The following DDX10 variants were observed in gnomAD, a reference collection of about 807,000 sequenced individuals.
DDX10 encodes the protein DEAD-box helicase 10.
A neutral mutation model predicts 104.3 loss-of-function variants in DDX10; 74 were observed. The ratio of observed to expected loss-of-function variants is 0.71; its 90% CI spans 0.59 to 0.86. The LOEUF (loss-of-function observed/expected upper bound fraction) is 0.86, where lower values mean the gene tolerates loss of function less well. Ranked by LOEUF, DDX10 falls within the 40% of genes least tolerant of loss-of-function variation. DDX10 has a pLI of 0.00. For synonymous variants in DDX10, 351 were observed against 353.4 expected (o/e 0.99, Z 0.08); for missense variants, 952 against 1,040.0 (o/e 0.92, Z 1.16).
chr11:108,854,345 C>T (rs1447704957), intron 16 of DDX10, among the ~76,000 whole-genome samples: 1 of 152,216 alleles, frequency 6.6e-6, no homozygotes, highest in African/African-American at 2.4e-5. Context: ...TCTCTCAGTG[C>T]ATGTGCTTTA....
At chr11:108,912,398 G>A (rs80288155) in intron 16 of DDX10, among the ~76,000 whole-genome samples, 18,834 of 151,778 alleles carry the variant, frequency 0.12, 1,383 homozygotes, top group East Asian at 0.24. Context: ...TTCTCATACC[G>A]ATCCTCCACC....
At chr11:108,938,002 G>T (rs539888423) in intron 17 of DDX10, among the ~76,000 whole-genome samples, 1 of 152,252 alleles carries the variant, frequency 6.6e-6, no homozygotes, top group South Asian at 2.1e-4. Context: ...GCTTGGACTC[G>T]CCCCAATTTT....
intron 13 of DDX10, among the ~76,000 whole-genome samples, chr11:108,745,200 T>C: frequency 1.5e-5 from 2 of 132,920 alleles, no homozygotes; most frequent in Admixed American, 7.5e-5. Flanking sequence ...TTCCTTCCCT[T>C]TCGTTTCCTT....
In DDX10 at chr11:108,746,158, G is replaced by A. The variant is rs535571328; in HGVS notation, c.1965+22696G>A. ...TTCTAGACGTAAGTAAATAATGAGG[G>A]CTAATGAAACAAGTGAAGGAAATTC... On this transcript the variant is annotated intron_variant, in intron 13 of 17. Coordinates refer to ENST00000322536, the MANE Select transcript of DDX10 (RefSeq NM_004398.4). Among the ~76,000 whole-genome samples the A allele has an allele frequency of 1.3e-4, 20 of 152,100 alleles. No individual in the cohort carries two copies. In the South Asian group the frequency reaches 2.3e-3, roughly 17 times the overall value.
intron 17 of DDX10, among the ~76,000 whole-genome samples, chr11:108,934,113 G>A (rs1864007888): frequency 1.3e-5 from 2 of 152,206 alleles, no homozygotes; most frequent in Non-Finnish European, 2.9e-5. Flanking sequence ...TCAGATGAGG[G>A]TGGGTCAGGG....
chr11:108,822,465 C>T (rs750561885), intron 13 of DDX10: 3 of 333,808 alleles, frequency 9.0e-6, no homozygotes, highest in African/African-American at 6.5e-5. Context: ...TCAGTGTATC[C>T]TTTCCCCAGG....
intron 13 of DDX10, among the ~76,000 whole-genome samples, chr11:108,757,373 C>A (rs2094345732): frequency 6.6e-6 from 1 of 151,988 alleles, no homozygotes; most frequent in South Asian, 2.1e-4. Context: ...AAAATATTTA[C>A]TGTTAACCAT....
chr11:108,914,939 G>A lies in DDX10; in HGVS notation c.2305-2934G>A, dbSNP rs563622940. Among the ~76,000 whole-genome samples the A allele has an allele frequency of 7.3e-5, 11 of 150,872 alleles. No individual in the cohort carries two copies. In the East Asian group the frequency reaches 1.9e-3, roughly 27 times the overall value. On this transcript the variant is annotated intron_variant, in intron 16 of 17. Coordinates refer to ENST00000322536, the MANE Select transcript of DDX10 (RefSeq NM_004398.4). Reference sequence around the variant, plus strand: ...AGCAGTTTGGCATTGTCAGAAGAAAGGAACAGCAAACCTGAACACCCAGTA... The same window carrying A: ...AGCAGTTTGGCATTGTCAGAAGAAAAGAACAGCAAACCTGAACACCCAGTA...
At chr11:108,677,447 C>T (rs772824742) in intron 4 of DDX10, among the ~76,000 whole-genome samples, 5 of 151,414 alleles carry the variant, frequency 3.3e-5, no homozygotes, top group South Asian at 2.1e-4. Flanking sequence ...TTTTTTTTGT[C>T]GGGGAATCTG....
Position 108,719,903 on chromosome 11 carries a change from A to T in DDX10, c.1499+18A>T. The T allele has an allele frequency of 7.6e-7, 1 of 1,321,978 alleles. No homozygotes were observed. Among genetic ancestry groups the T allele is most frequent in the Non-Finnish European group, 1.1e-6 (1 of 915,130 alleles). The allele number at this position is 1,321,978 out of a possible 1,614,324, so 81.9% of individuals were successfully genotyped here. ...TATGCCCTGTAAGTATTCATAATATAGTTGTAATAGTGAATCCTCAAGGTT... is the reference window on the plus strand; with the variant it reads ...TATGCCCTGTAAGTATTCATAATATTGTTGTAATAGTGAATCCTCAAGGTT... On this transcript the variant is annotated intron_variant, in intron 12 of 17. Transcript: ENST00000322536.
At chr11:108,869,197 G>GT (rs58883084) in intron 16 of DDX10, among the ~76,000 whole-genome samples, 112,234 of 147,850 alleles carry the variant, frequency 0.76, 42,673 homozygotes, top group Admixed American at 0.8. Flanking sequence ...TAAACCCGTT[G>GT]TTTTTTTTTT....
intron 13 of DDX10, among the ~76,000 whole-genome samples, chr11:108,810,713 A>G (rs11827006): frequency 0.031 from 4,728 of 152,292 alleles, 264 homozygotes; most frequent in African/African-American, 0.11. Context: ...GCATGTGTGC[A>G]CACACAAACA....
intron 13 of DDX10, among the ~76,000 whole-genome samples, chr11:108,774,454 G>A (rs10890889): frequency 0.47 from 71,325 of 152,076 alleles, 19,728 homozygotes; most frequent in Non-Finnish European, 0.61. Flanking sequence ...TTTATCGCTT[G>A]CTGGAGGAAG....
intron 17 of DDX10, among the ~76,000 whole-genome samples, chr11:108,933,938 GCAGTGT>G (rs762102657): frequency 5.6e-4 from 85 of 152,330 alleles, no homozygotes; most frequent in Non-Finnish European, 1.1e-3. Context: ...GGGTACCAAG[GCAGTGT>G]GGCTGCACAG....
chr11:108,924,422 C>T (rs1354805793), intron 17 of DDX10, among the ~76,000 whole-genome samples: 6 of 152,164 alleles, frequency 3.9e-5, no homozygotes, highest in African/African-American at 1.2e-4. Context: ...TGGATTGATA[C>T]CTTTTCCAGT....
intron 13 of DDX10, among the ~76,000 whole-genome samples, chr11:108,757,562 G>GGTGTCAA (rs2094345946): frequency 6.6e-6 from 1 of 151,980 alleles, no homozygotes; most frequent in Admixed American, 6.6e-5. Context: ...TAACTTCCTT[G>GGTGTCAA]GTGTCAACCT....
intron 1 of DDX10, among the ~76,000 whole-genome samples, chr11:108,669,398 G>A (rs182558455): frequency 2.2e-3 from 334 of 152,292 alleles, no homozygotes; most frequent in Middle Eastern, 6.8e-3. Context: ...GCCTGGTGGA[G>A]CTAGTTCTTG....
chr11:108,809,742 A>G (rs12420572), intron 13 of DDX10, among the ~76,000 whole-genome samples: 74,760 of 152,020 alleles, frequency 0.49, 20,583 homozygotes, highest in Non-Finnish European at 0.61. Context: ...GAGCCACTGG[A>G]TAGCAGTTCT....
At chr11:108,748,492 C>T (rs910773339) in intron 13 of DDX10, among the ~76,000 whole-genome samples, 7 of 152,158 alleles carry the variant, frequency 4.6e-5, no homozygotes, top group East Asian at 1.9e-4. Context: ...CGTTAGTTCA[C>T]GTGGTATATT....
Sources: allele counts gnomAD v4.1 joint callset (sites outside exome capture counted in the v4.1 genomes callset), GRCh38; gene constraint gnomAD v4.1.1; transcripts MANE v1.5; gene names NCBI Gene and HGNC (gene_info 2026-07-23, HGNC 2026-07-21).